Variants in NAALADL2 observed in about 807,000 individuals in gnomAD.
The protein encoded by NAALADL2 is N-acetylated alpha-linked acidic dipeptidase like 2.
A neutral mutation model predicts 87.2 loss-of-function variants in NAALADL2; 76 were observed. That is an observed-to-expected ratio of 0.87 (90% confidence interval 0.72 to 1.05). The LOEUF is 1.05. Ranked by LOEUF, NAALADL2 falls within the 50% of genes least tolerant of loss-of-function variation. The pLI is 0.00. For synonymous variants in NAALADL2, 354 were observed against 331.0 expected, an observed-to-expected ratio of 1.07 and a Z score of -0.75; for missense variants, 1,089 against 945.8, an observed-to-expected ratio of 1.15 and a Z score of -1.99.
At chr3:174,650,851 T>C (rs751515633) in intron 2 of NAALADL2, among the ~76,000 whole-genome samples, 40 of 152,168 alleles carry the variant, frequency 2.6e-4, no homozygotes, top group Non-Finnish European at 5.6e-4. Context: ...TTTTCCTCTA[T>C]AGATTTATCC....
At chr3:175,599,190 C>A (rs770757077) in intron 10 of NAALADL2, among the ~76,000 whole-genome samples, 2 of 152,012 alleles carry the variant, frequency 1.3e-5, no homozygotes, top group Admixed American at 6.6e-5. Context: ...TGTAGGATAA[C>A]AATTATGAAG....
At chr3:174,833,133 C>A (rs898722308) in intron 3 of NAALADL2, among the ~76,000 whole-genome samples, 1 of 152,002 alleles carries the variant, frequency 6.6e-6, no homozygotes, top group Non-Finnish European at 1.5e-5. Context: ...AGAATAAAAT[C>A]ATTTGTTATA....
At chr3:174,544,083 TTC>T (rs1481681219) in intron 1 of NAALADL2, among the ~76,000 whole-genome samples, 20 of 152,112 alleles carry the variant, frequency 1.3e-4, no homozygotes, top group African/African-American at 4.6e-4. Context: ...CCTCCAATAC[TTC>T]TCTCATTCTT....
At chr3:174,586,792 G>C (rs1716771029) in intron 2 of NAALADL2, among the ~76,000 whole-genome samples, 1 of 152,038 alleles carries the variant, frequency 6.6e-6, no homozygotes, top group South Asian at 2.1e-4. Flanking sequence ...TTATTGCTGT[G>C]AGCTGCATCT....
At chr3:175,064,278 C>T (rs533741732) in intron 1 of NAALADL2, among the ~76,000 whole-genome samples, 1 of 151,166 alleles carries the variant, frequency 6.6e-6, no homozygotes, top group African/African-American at 2.4e-5. Context: ...GACAACAAAA[C>T]CACCAAGACA....
At chr3:175,702,096 C>A (rs1330396884) in intron 11 of NAALADL2, among the ~76,000 whole-genome samples, 1 of 151,934 alleles carries the variant, frequency 6.6e-6, no homozygotes, top group African/African-American at 2.4e-5. Flanking sequence ...ATGAATATGT[C>A]AAATATGCTA....
chr3:175,536,891 A>C (rs1734895235), intron 9 of NAALADL2, among the ~76,000 whole-genome samples: 1 of 152,188 alleles, frequency 6.6e-6, no homozygotes, highest in African/African-American at 2.4e-5. Flanking sequence ...CTGAGGCAGG[A>C]GAATGGCGTG....
intron 9 of NAALADL2, among the ~76,000 whole-genome samples, chr3:175,549,775 G>T (rs7638295): frequency 0.26 from 40,013 of 151,914 alleles, 6,085 homozygotes; most frequent in African/African-American, 0.42. Context: ...CTTACAGTCA[G>T]AAGTTATTAT....
intron 2 of NAALADL2, among the ~76,000 whole-genome samples, chr3:175,182,541 C>T (rs1258405811): frequency 7.0e-6 from 1 of 143,060 alleles, no homozygotes; most frequent in Non-Finnish European, 1.5e-5. Context: ...GTCCATGACA[C>T]CACAGCCAGT....
chr3:175,322,852 G>A (rs1760094481), intron 4 of NAALADL2, among the ~76,000 whole-genome samples: 1 of 149,554 alleles, frequency 6.7e-6, no homozygotes, highest in Non-Finnish European at 1.5e-5. Flanking sequence ...GTGCTGGAGA[G>A]GATGTGGAGA....
At chr3:175,489,586 T>C (rs1298650965) in intron 9 of NAALADL2, among the ~76,000 whole-genome samples, 1 of 152,208 alleles carries the variant, frequency 6.6e-6, no homozygotes, top group Non-Finnish European at 1.5e-5. Flanking sequence ...CCAACAGATG[T>C]CATGTCATAA....
chr3:175,551,255 CTCTT>C (rs1714305858), intron 9 of NAALADL2, among the ~76,000 whole-genome samples: 1 of 152,052 alleles, frequency 6.6e-6, no homozygotes, highest in South Asian at 2.1e-4. Context: ...ATGAGAAAAA[CTCTT>C]TCATTTTGAT....
intron 10 of NAALADL2, among the ~76,000 whole-genome samples, chr3:175,584,445 A>G (rs1401191237): frequency 6.6e-6 from 1 of 152,204 alleles, no homozygotes; most frequent in African/African-American, 2.4e-5. Flanking sequence ...CCAACCTAAC[A>G]TTCTATCACC....
intron 4 of NAALADL2, among the ~76,000 whole-genome samples, chr3:175,279,996 A>G (rs1283183308): frequency 6.6e-6 from 1 of 151,482 alleles, no homozygotes; most frequent in African/African-American, 2.4e-5. Context: ...GATGGAATAA[A>G]TAAACTGGAA....
intron 1 of NAALADL2, among the ~76,000 whole-genome samples, chr3:174,976,160 G>C (rs955976684): frequency 6.6e-6 from 1 of 152,084 alleles, no homozygotes; most frequent in Admixed American, 6.5e-5. Context: ...TATAAAATAT[G>C]AAAAGAAGAA....
intron 11 of NAALADL2, among the ~76,000 whole-genome samples, chr3:175,651,589 C>T (rs374922663): frequency 2.6e-5 from 4 of 152,236 alleles, no homozygotes; most frequent in Non-Finnish European, 1.5e-5. Flanking sequence ...AAGTAAGGAT[C>T]CAGATATTGT....
At chr3:174,494,554 C>G (rs961927525) in intron 1 of NAALADL2, among the ~76,000 whole-genome samples, 3 of 151,306 alleles carry the variant, frequency 2.0e-5, no homozygotes, top group Non-Finnish European at 4.4e-5. Flanking sequence ...AGCACACCAG[C>G]ATGGCACATG....
At chr3:175,455,435 A>G (rs1032134234) in intron 6 of NAALADL2, among the ~76,000 whole-genome samples, 2 of 152,098 alleles carry the variant, frequency 1.3e-5, no homozygotes, top group African/African-American at 4.8e-5. Context: ...TAGACAGATG[A>G]GAAAAAATTG....
chr3:175,151,588 C>T (rs1033709524), intron 2 of NAALADL2, among the ~76,000 whole-genome samples: 7 of 152,110 alleles, frequency 4.6e-5, no homozygotes, highest in Admixed American at 1.3e-4. Context: ...GGCCAGGAGT[C>T]TCCAAACTCT....
Sources: allele counts gnomAD v4.1 joint callset (sites outside exome capture counted in the v4.1 genomes callset), GRCh38; gene constraint gnomAD v4.1.1; transcripts MANE v1.5; gene names NCBI Gene and HGNC (gene_info 2026-07-23, HGNC 2026-07-21).